The following GRM8 variants were observed in gnomAD, a reference collection of about 807,000 sequenced individuals.
GRM8 encodes the protein metabotropic glutamate receptor 8.
In GRM8, 47 loss-of-function variants were observed where a neutral mutation model predicts 87.2. That is an observed-to-expected ratio of 0.54 (90% confidence interval 0.43 to 0.69). The LOEUF (loss-of-function observed/expected upper bound fraction) is 0.69. GRM8 is among the 30% of genes least tolerant of loss of function. GRM8 has a pLI of 0.00. For synonymous variants in GRM8, 396 were observed against 404.5 expected (o/e 0.98, Z 0.25); for missense variants, 1,019 against 1,139.2 (o/e 0.89, Z 1.52).
At chr7:126,574,146 C>T (rs887450753) in intron 8 of GRM8, among the ~76,000 whole-genome samples, 9 of 152,166 alleles carry the variant, frequency 5.9e-5, no homozygotes, top group African/African-American at 2.2e-4. Flanking sequence ...TTACCATCAC[C>T]CACCTACCCT....
At chr7:126,757,347 G>A (rs1476251928) in intron 7 of GRM8, among the ~76,000 whole-genome samples, 1 of 152,022 alleles carries the variant, frequency 6.6e-6, no homozygotes, top group African/African-American at 2.4e-5. Context: ...GGATTTGGGG[G>A]TTTGTTTTGG....
chr7:126,655,322 C>T (rs1262313359), intron 7 of GRM8, among the ~76,000 whole-genome samples: 1 of 152,180 alleles, frequency 6.6e-6, no homozygotes, highest in Admixed American at 6.5e-5. Flanking sequence ...ATCCCAGTTG[C>T]ATCCCATAAT....
chr7:126,739,045 A>G (rs1814610820), intron 7 of GRM8, among the ~76,000 whole-genome samples: 1 of 151,724 alleles, frequency 6.6e-6, no homozygotes, highest in Admixed American at 6.6e-5. Flanking sequence ...AGGAGAAGGA[A>G]CCAGATTCCA....
chr7:127,121,007 A>G (rs2133179349), intron 2 of GRM8, among the ~76,000 whole-genome samples: 1 of 152,322 alleles, frequency 6.6e-6, no homozygotes, highest in Middle Eastern at 3.4e-3. Context: ...AAAATAACAG[A>G]TGAGTTTTTG....
At chr7:126,926,646 G>A (rs756416153) in intron 3 of GRM8, among the ~76,000 whole-genome samples, 8 of 152,126 alleles carry the variant, frequency 5.3e-5, no homozygotes, top group Non-Finnish European at 1.2e-4. Flanking sequence ...TGAACTTCAC[G>A]GCATAGCACA....
chr7:126,565,404 A>G (rs1304014176), intron 8 of GRM8, among the ~76,000 whole-genome samples: 1 of 152,212 alleles, frequency 6.6e-6, no homozygotes, highest in African/African-American at 2.4e-5. Context: ...CTATGTATTA[A>G]TGACAAACTA....
At chr7:126,585,954 C>G (rs542054704) in intron 8 of GRM8, among the ~76,000 whole-genome samples, 32 of 152,122 alleles carry the variant, frequency 2.1e-4, no homozygotes, top group Non-Finnish European at 4.1e-4. Context: ...CCCAAAATCT[C>G]CTTAAGCTGA....
intron 7 of GRM8, among the ~76,000 whole-genome samples, chr7:126,686,134 G>A (rs1585518990): frequency 1.3e-5 from 2 of 151,874 alleles, no homozygotes; most frequent in Non-Finnish European, 2.9e-5. Flanking sequence ...AATGCAGAGA[G>A]GAGCTACCCT....
At chr7:126,794,156 C>T (rs1024265056) in intron 6 of GRM8, among the ~76,000 whole-genome samples, 2 of 151,540 alleles carry the variant, frequency 1.3e-5, no homozygotes, top group African/African-American at 2.4e-5. Flanking sequence ...ACTGAAACCA[C>T]ATAAAAAATA....
chr7:127,184,576 C>A (rs936637886), intron 2 of GRM8, among the ~76,000 whole-genome samples: 2 of 151,872 alleles, frequency 1.3e-5, no homozygotes, highest in African/African-American at 4.8e-5. Context: ...AGATCATGAA[C>A]AAGGCAAGGA....
At chr7:126,942,499 A>G (rs1156737016) in intron 3 of GRM8, among the ~76,000 whole-genome samples, 2 of 152,224 alleles carry the variant, frequency 1.3e-5, no homozygotes, top group African/African-American at 4.8e-5. Flanking sequence ...GTCAGTGTTA[A>G]CAAGGCCAAG....
intron 9 of GRM8, among the ~76,000 whole-genome samples, chr7:126,468,705 T>C (rs1804802307): frequency 6.6e-6 from 1 of 152,124 alleles, no homozygotes; most frequent in Non-Finnish European, 1.5e-5. Flanking sequence ...TGCTAAAATC[T>C]AACTCACTGA....
chr7:127,175,689 T>C (rs979687564), intron 2 of GRM8, among the ~76,000 whole-genome samples: 1 of 152,132 alleles, frequency 6.6e-6, no homozygotes, highest in Non-Finnish European at 1.5e-5. Flanking sequence ...AATGAAATAT[T>C]TAAAGTGTTG....
intron 10 of GRM8, among the ~76,000 whole-genome samples, chr7:126,440,093 A>T (rs1445579842): frequency 6.6e-6 from 1 of 152,012 alleles, no homozygotes; most frequent in East Asian, 1.9e-4. Context: ...AAATAAATTT[A>T]GTGTAGTCTA....
At chr7:126,833,753 G>T (rs1242017440) in intron 6 of GRM8, among the ~76,000 whole-genome samples, 1 of 152,102 alleles carries the variant, frequency 6.6e-6, no homozygotes, top group Non-Finnish European at 1.5e-5. Flanking sequence ...AAACAAATTT[G>T]GGATCAGGGA....
chr7:126,616,897 C>A (rs1305674145), intron 7 of GRM8, among the ~76,000 whole-genome samples: 1 of 151,948 alleles, frequency 6.6e-6, no homozygotes, highest in Admixed American at 6.6e-5. Flanking sequence ...GCCTACCAAC[C>A]AAAAAAAGTC....
At chr7:126,977,143 G>T (rs1196343852) in intron 3 of GRM8, among the ~76,000 whole-genome samples, 3 of 152,116 alleles carry the variant, frequency 2.0e-5, no homozygotes, top group Non-Finnish European at 4.4e-5. Flanking sequence ...TGACACTGAT[G>T]TGGCTAAAAA....
chr7:126,667,177 CATT>C (rs1178123549), intron 7 of GRM8, among the ~76,000 whole-genome samples: 3 of 152,112 alleles, frequency 2.0e-5, no homozygotes, highest in East Asian at 3.9e-4. Flanking sequence ...ATGTATATAC[CATT>C]ATTATTATCC....
chr7:126,594,293 T>C (rs1175671337), intron 8 of GRM8, among the ~76,000 whole-genome samples: 1 of 152,118 alleles, frequency 6.6e-6, no homozygotes, highest in East Asian at 1.9e-4. Flanking sequence ...GCTATCATGT[T>C]CATTGTAGCA....
Sources: gnomAD v4.1 joint callset for allele counts (sites outside exome capture counted in the v4.1 genomes callset) on GRCh38, gnomAD v4.1.1 for gene constraint, MANE v1.5 for transcripts, NCBI Gene and HGNC (gene_info 2026-07-23, HGNC 2026-07-21) for gene names.